Variants in CARM1 observed in about 807,000 individuals in gnomAD.
The protein encoded by CARM1 is coactivator associated arginine methyltransferase 1, also known as histone-arginine methyltransferase CARM1.
In CARM1, 14 loss-of-function variants were observed where a neutral mutation model predicts 72.7. The observed-to-expected ratio is 0.19, with a 90% CI of 0.13 to 0.30. The LOEUF (loss-of-function observed/expected upper bound fraction) is 0.30, where lower values mean the gene tolerates loss of function less well. Among genes scored for constraint, CARM1 ranks in the 10% least tolerant of loss-of-function variants. The probability of loss-of-function intolerance (pLI) is 1.00; values close to 1 mark genes in which losing one functional copy is unlikely to be tolerated. For synonymous variants in CARM1, 333 were observed against 345.5 expected (o/e 0.96, Z 0.40); for missense variants, 432 against 833.7 (o/e 0.52, Z 5.93).
At position 10,912,345 on chromosome 19, in the gene CARM1, A is replaced by G. The variant is rs756432239; in HGVS notation, c.669+51A>G. 2.2e-6 allele frequency: 3 copies of G among 1,367,240 alleles called. No individual in the cohort carries two copies. Among genetic ancestry groups the G allele is most frequent in the South Asian group, 2.3e-5 (2 of 86,278 alleles). 84.7% of individuals were successfully genotyped at this position (1,367,240 alleles called of 1,614,324 possible). ...AGCCTCGTCCTCGCCCATGAGTGCCATGCCGGCCCCAGCCTAGAGAAGCTT... is the reference window on the plus strand; with the variant it reads ...AGCCTCGTCCTCGCCCATGAGTGCCGTGCCGGCCCCAGCCTAGAGAAGCTT... On this transcript the variant is annotated intron_variant, in intron 5 of 15. Coordinates refer to ENST00000327064, the MANE Select transcript of CARM1 (RefSeq NM_199141.2). The surrounding 1 kb of genome is among the most constrained non-coding windows in gnomAD (Gnocchi z 4.5).
At chr19:10,900,737 G>A (rs2074057472) in intron 1 of CARM1, among the ~76,000 whole-genome samples, 1 of 152,130 alleles carries the variant, frequency 6.6e-6, no homozygotes, top group Non-Finnish European at 1.5e-5. Context: ...AGGCTGGGGT[G>A]CAGTGGCGTG....
Position 10,921,458 on chromosome 19 carries a change from G to T in CARM1, c.1684+15G>T, listed in dbSNP as rs201148101. On this transcript the variant is annotated intron_variant, in intron 15 of 15. Transcript: ENST00000327064. The stretch of plus-strand genomic sequence containing the variant: ...GATTGTCCAAGGTAACGAGGGTGGC[G>T]GGGGCAGGGCCCGTGGGGGCCGAGC... The T allele has an allele frequency of 3.1e-6, 5 of 1,597,454 alleles. No homozygotes were observed. The highest frequency in any genetic ancestry group is 4.3e-6 in the Non-Finnish European group (5 of 1,171,356).
At chr19:10,879,945 T>G (rs1396052538) in intron 1 of CARM1, among the ~76,000 whole-genome samples, 1 of 152,180 alleles carries the variant, frequency 6.6e-6, no homozygotes, top group Non-Finnish European at 1.5e-5. Context: ...AGGTGTCCAG[T>G]GCTGTGAGCA....
rs2074241853 is a variant in CARM1, at chr19:10,921,075, C to T, written c.1563C>T (p.Ser521=). ...GGATGCCGACCGCCTATGACTTGAG[C>T]AGTGTTATTGCCAGTGGCTCCAGCG... ...VAGMPTAYDL[S]SVIASGSSVG... The change falls in exon 14 of 16, where the codon AGC becomes AGT. Residue 521 remains serine (S), a synonymous_variant. Coordinates refer to ENST00000327064, the MANE Select transcript of CARM1 (RefSeq NM_199141.2). 2 of 1,614,170 alleles carry T rather than the reference C, an allele frequency of 1.2e-6. No individual in the cohort carries two copies. Among genetic ancestry groups the T allele is most frequent in the Admixed American group, 1.7e-5 (1 of 60,028 alleles).
intron 1 of CARM1, among the ~76,000 whole-genome samples, chr19:10,903,449 C>T (rs1021282010): frequency 1.3e-5 from 2 of 152,140 alleles, no homozygotes; most frequent in African/African-American, 2.4e-5. Flanking sequence ...TAAATACTTC[C>T]GCATATGTTT....
Position 10,920,442 on chromosome 19 carries a change from C to T in CARM1, c.1203C>T (p.Thr401=), listed in dbSNP as rs370080653. The T allele has an allele frequency of 3.2e-5, 52 of 1,611,130 alleles. No individual in the cohort carries two copies. The highest frequency in any genetic ancestry group is 2.2e-4 in the East Asian group (10 of 44,744). Reference sequence around the variant, plus strand: ...GCCTGTCCCTGCTCCACAGAATGACCGTGTGGCTGTCCACAGCCCCGACAG... The same window carrying T: ...GCCTGTCCCTGCTCCACAGAATGACTGTGTGGCTGTCCACAGCCCCGACAG... The part of the protein sequence containing the change: ...FDVAFIGSIM[T]VWLSTAPTEP... Residue 401 remains threonine, a synonymous_variant, in exon 11 of 16, where the codon ACC becomes ACT. Coordinates refer to ENST00000327064, the MANE Select transcript of CARM1 (RefSeq NM_199141.2). The surrounding 1 kb of genome is among the most constrained non-coding windows in gnomAD (Gnocchi z 5.3).
chr19:10,888,634 G>A (rs993506083), intron 1 of CARM1, among the ~76,000 whole-genome samples: 1 of 152,036 alleles, frequency 6.6e-6, no homozygotes, highest in Admixed American at 6.6e-5. Context: ...TTTGCACCGC[G>A]CCCCCACCCC....
rs2074196621 is a variant in CARM1 at position 10,916,317 on chromosome 19, G to C, written c.848-90G>C. ...TGGATGACAGGCTGGGAGCACCCAG[G>C]GTTGGGGGTCTTGGGGTCCTTTGGA... On this transcript the variant is annotated intron_variant, in intron 6 of 15. Coordinates refer to ENST00000327064, the MANE Select transcript of CARM1 (RefSeq NM_199141.2). This position sits in a 1 kb window ranked among gnomAD's most constrained non-coding sequence, Gnocchi z 4.4. 1 of 832,368 alleles carries C rather than the reference G, an allele frequency of 1.2e-6. No homozygotes were observed. Among genetic ancestry groups the C allele is most frequent in the African/African-American group, 1.7e-5 (1 of 60,220 alleles). The allele number at this position is 832,368 out of a possible 1,614,324, so 51.6% of individuals were successfully genotyped here.
intron 1 of CARM1, among the ~76,000 whole-genome samples, chr19:10,889,931 G>A (rs1031470696): frequency 6.6e-6 from 1 of 152,120 alleles, no homozygotes; most frequent in African/African-American, 2.4e-5. Context: ...TCTGGTGGTC[G>A]GCTTTTGGAG....
At chr19:10,905,904 G>T (rs910149340) in intron 2 of CARM1, among the ~76,000 whole-genome samples, 1 of 149,210 alleles carries the variant, frequency 6.7e-6, no homozygotes, top group African/African-American at 2.5e-5. Context: ...GCCTCCCAAA[G>T]TGCTGGGATT....
chr19:10,904,949 A>C lies in CARM1; in HGVS notation c.221-2A>C. 6.2e-7 allele frequency: 1 copy of C among 1,614,078 alleles called. No individual in the cohort carries two copies. The highest frequency in any genetic ancestry group is 8.5e-7 in the Non-Finnish European group (1 of 1,179,926). On this transcript the variant is annotated splice_acceptor_variant, in intron 1 of 15. Coordinates refer to ENST00000327064, the MANE Select transcript of CARM1 (RefSeq NM_199141.2). LOFTEE classifies it high-confidence loss of function. The stretch of plus-strand genomic sequence containing the variant: ...CTCACGCCAGCCTGTCTTCTCTCGT[A>C]GATGAAGATGTGTGTGTCTTTAAGT...
chr19:10,872,971 G>T (rs540480202), intron 1 of CARM1, among the ~76,000 whole-genome samples: 67 of 152,250 alleles, frequency 4.4e-4, no homozygotes, highest in Middle Eastern at 6.8e-3. Flanking sequence ...CGTTCACACT[G>T]GGTTTTCCCT....
In CARM1 at chr19:10,916,640, C is replaced by T; in HGVS notation, c.939-56C>T. On this transcript the variant is annotated intron_variant, in intron 7 of 15. Coordinates refer to ENST00000327064, the MANE Select transcript of CARM1 (RefSeq NM_199141.2). The surrounding 1 kb of genome is among the most constrained non-coding windows in gnomAD (Gnocchi z 4.4). ...TGACTGGGAGAGAAGGCAGGGCTAC[C>T]CCACCTGCCTCTTCTGCAGCCCTGA... 1 of 1,460,422 alleles carries T rather than the reference C, an allele frequency of 6.8e-7. No homozygotes were observed. Among genetic ancestry groups the T allele is most frequent in the Non-Finnish European group, 9.4e-7 (1 of 1,063,372 alleles). 90.5% of individuals were successfully genotyped at this position (1,460,422 alleles called of 1,614,324 possible).
intron 1 of CARM1, among the ~76,000 whole-genome samples, chr19:10,890,774 C>CACATATATATAT (rs1460065828): frequency 7.9e-5 from 5 of 63,612 alleles, no homozygotes; most frequent in South Asian, 7.1e-4. Flanking sequence ...TACACACACA[C>CACATATATATAT]ATATATATAT....
chr19:10,902,594 C>T (rs1225385871), intron 1 of CARM1, among the ~76,000 whole-genome samples: 1 of 150,040 alleles, frequency 6.7e-6, no homozygotes, highest in East Asian at 2.0e-4. Flanking sequence ...CAGGCGTGAG[C>T]CACTGTGCCC....
intron 1 of CARM1, among the ~76,000 whole-genome samples, chr19:10,879,517 G>T (rs2073886550): frequency 6.6e-6 from 1 of 152,176 alleles, no homozygotes; most frequent in South Asian, 2.1e-4. Context: ...GCTCCAGTGG[G>T]CCAGGGCTGG....
Position 10,921,747 on chromosome 19 carries a change from A to G in CARM1, c.1817A>G (p.Tyr606Cys). ...PMSIPTNTMHYGS is the reference protein window; with the variant it reads ...PMSIPTNTMHCGS Reference sequence around the variant, plus strand: ...TCCATCCCGACCAACACCATGCACTACGGGAGCTAGGGGCCCGCCCCGCGG... The same window carrying G: ...TCCATCCCGACCAACACCATGCACTGCGGGAGCTAGGGGCCCGCCCCGCGG... The change falls in exon 16 of 16, where the codon TAC becomes TGC. Residue 606 changes from tyrosine (Y) to cysteine (C), a missense_variant. Physicochemically the swap from Tyr to Cys is radical, Grantham distance 194. This residue lies in a region of CARM1 where 142 missense variants were observed against 188.7 expected (regional missense o/e 0.75). Transcript: ENST00000327064. The G allele has an allele frequency of 6.2e-7, 1 of 1,602,194 alleles. No homozygotes were observed. The highest frequency in any genetic ancestry group is 8.5e-7 in the Non-Finnish European group (1 of 1,172,602).
rs1341924362 is a variant in CARM1, at chr19:10,912,423, G to A, written c.669+129G>A. 7.4e-6 allele frequency: 5 copies of A among 678,314 alleles called. No homozygotes were observed. Among genetic ancestry groups the A allele is most frequent in the Non-Finnish European group, 1.3e-5 (5 of 382,696 alleles). The allele number at this position is 678,314 out of a possible 1,614,324, so 42.0% of individuals were successfully genotyped here. A position where few individuals can be genotyped will look rare whatever the true frequency, so the allele number is the denominator to read the frequency against. ...ACTTCTGTGCTTTGGTCTCTTTATTGTCCCCAAGACAGTCATTTCAGGGAG... is the reference window on the plus strand; with the variant it reads ...ACTTCTGTGCTTTGGTCTCTTTATTATCCCCAAGACAGTCATTTCAGGGAG... On this transcript the variant is annotated intron_variant, in intron 5 of 15. Coordinates refer to ENST00000327064, the MANE Select transcript of CARM1 (RefSeq NM_199141.2). This position sits in a 1 kb window ranked among gnomAD's most constrained non-coding sequence, Gnocchi z 4.5.
Position 10,888,539 on chromosome 19 carries a change from G to T in CARM1, c.221-16412G>T, listed in dbSNP as rs577964300. Among the ~76,000 whole-genome samples the T allele has an allele frequency of 1.0e-3, 152 of 152,292 alleles. 1 individual carries two copies. Among genetic ancestry groups the T allele is most frequent in the African/African-American group, 3.3e-3 (137 of 41,568 alleles). ...CCATAAATCACAGCTTCAAAGTCTT[G>T]GCCCGCGGGAGAAGAAAGACTGGGC... On this transcript the variant is annotated intron_variant, in intron 1 of 15. Transcript: ENST00000327064.
Sources: gnomAD v4.1 joint callset for allele counts (sites outside exome capture counted in the v4.1 genomes callset) on GRCh38, gnomAD v4.1.1 for gene constraint, gnomAD v4.1.1 regional missense constraint, Gnocchi (gnomAD v3.1) non-coding constraint, MANE v1.5 for transcripts, NCBI Gene and HGNC (gene_info 2026-07-23, HGNC 2026-07-21) for gene names.